The following SIPA1L1 variants were observed in gnomAD, a reference collection of about 807,000 sequenced individuals.
SIPA1L1 encodes signal induced proliferation associated 1 like 1.
SIPA1L1 carries 26 observed loss-of-function variants against 162.7 expected under a neutral mutation model. The observed-to-expected ratio is 0.16, with a 90% CI of 0.12 to 0.22. The LOEUF is 0.22. Ranked by LOEUF, SIPA1L1 falls within the 10% of genes least tolerant of loss-of-function variation. SIPA1L1 has a pLI of 1.00. For synonymous variants in SIPA1L1, 829 were observed against 837.4 expected (o/e 0.99, Z 0.17); for missense variants, 1,874 against 2,241.0 (o/e 0.84, Z 3.31).
chr14:71,689,106 CAAA>C (rs888168633), intron 13 of SIPA1L1, among the ~76,000 whole-genome samples: 2 of 151,542 alleles, frequency 1.3e-5, no homozygotes, highest in Non-Finnish European at 2.9e-5. Context: ...TCATTAGGAA[CAAA>C]AAAAATAAAT....
At chr14:71,729,232 C>T (rs1441694263) in intron 19 of SIPA1L1, among the ~76,000 whole-genome samples, 1 of 152,104 alleles carries the variant, frequency 6.6e-6, no homozygotes. Context: ...GACGGGGTTT[C>T]ACCATGTTGG....
intron 9 of SIPA1L1, 94 bp downstream of exon 9, chr14:71,658,530 A>G: frequency 1.2e-6 from 1 of 803,430 alleles, no homozygotes; most frequent in Non-Finnish European, 2.2e-6. Flanking sequence ...ACCAGAATTT[A>G]GTGTTGCACC....
At chr14:71,455,392 A>G (rs1164795407) in intron 2 of SIPA1L1, among the ~76,000 whole-genome samples, 1 of 152,092 alleles carries the variant, frequency 6.6e-6, no homozygotes, top group African/African-American at 2.4e-5. Context: ...AGAATGGCTT[A>G]TTCCCGCTGT....
intron 2 of SIPA1L1, among the ~76,000 whole-genome samples, chr14:71,457,932 GT>G (rs542147244): frequency 1.4e-3 from 210 of 152,170 alleles, no homozygotes; most frequent in Non-Finnish European, 2.5e-3. Flanking sequence ...TTCCTTATAT[GT>G]CCTAGATTCC....
chr14:71,324,382 C>T (rs1868812533), intron 2 of SIPA1L1, among the ~76,000 whole-genome samples: 1 of 152,156 alleles, frequency 6.6e-6, no homozygotes, highest in Admixed American at 6.5e-5. Flanking sequence ...TAATTGCACT[C>T]GTTTCTTTTC....
At chr14:71,646,829 T>C (rs1157005289) in intron 7 of SIPA1L1, among the ~76,000 whole-genome samples, 2 of 152,204 alleles carry the variant, frequency 1.3e-5, no homozygotes, top group African/African-American at 2.4e-5. Context: ...AACTCTATTT[T>C]GATCATTACC....
intron 10 of SIPA1L1, among the ~76,000 whole-genome samples, chr14:71,664,437 A>G (rs1379570746): frequency 1.3e-5 from 2 of 152,178 alleles, no homozygotes; most frequent in Non-Finnish European, 2.9e-5. Flanking sequence ...GTGGGTACAT[A>G]GTAGGTGTAT....
chr14:71,538,968 C>G (rs966091351), intron 4 of SIPA1L1, among the ~76,000 whole-genome samples: 3 of 152,188 alleles, frequency 2.0e-5, no homozygotes, highest in Non-Finnish European at 2.9e-5. Flanking sequence ...GGGTTGCTTT[C>G]AAATCTGGGA....
At chr14:71,603,856 G>A (rs981323574) in intron 5 of SIPA1L1, among the ~76,000 whole-genome samples, 6 of 149,972 alleles carry the variant, frequency 4.0e-5, no homozygotes, top group Non-Finnish European at 5.9e-5. Context: ...TGGAGGTTGC[G>A]GTGAGCCGAG....
intron 2 of SIPA1L1, among the ~76,000 whole-genome samples, chr14:71,490,877 T>C (rs2049185730): frequency 6.6e-6 from 1 of 152,208 alleles, no homozygotes; most frequent in Admixed American, 6.6e-5. Flanking sequence ...CTACCTGATA[T>C]CGTACATACA....
chr14:71,546,287 T>G (rs1207188233), intron 4 of SIPA1L1, among the ~76,000 whole-genome samples: 1 of 152,088 alleles, frequency 6.6e-6, no homozygotes, highest in Non-Finnish European at 1.5e-5. Flanking sequence ...CAGTTACTTG[T>G]TGCTTTTTCC....
chr14:71,529,832 A>G (rs2053258695), intron 4 of SIPA1L1, among the ~76,000 whole-genome samples: 1 of 152,172 alleles, frequency 6.6e-6, no homozygotes, highest in Admixed American at 6.5e-5. Flanking sequence ...TTTTCTACCC[A>G]GCGTGGCTCC....
chr14:71,651,464 A>T (rs1431465215), intron 8 of SIPA1L1, among the ~76,000 whole-genome samples: 3 of 152,232 alleles, frequency 2.0e-5, no homozygotes, highest in African/African-American at 4.8e-5. Flanking sequence ...TGGAAACGAC[A>T]TGCAAGAGAG....
chr14:71,564,220 A>G lies in SIPA1L1; in HGVS notation c.-302-23351A>G, dbSNP rs1004567191. Among the ~76,000 whole-genome samples, 9 of 152,122 alleles carry G rather than the reference A, an allele frequency of 5.9e-5. No individual in the cohort carries two copies. In the East Asian group the frequency reaches 1.7e-3, roughly 29 times the overall value. ...TGCCTCAGCCTCCCAATGTGCTTAG[A>G]TTACAAGCATGAGCTGCAATATCTG... is the stretch of plus-strand genomic sequence containing the variant. On this transcript the variant is annotated intron_variant, in intron 4 of 23. Coordinates refer to ENST00000381232, the MANE Select transcript of SIPA1L1 (RefSeq NM_001386936.1).
At chr14:71,575,842 T>C (rs1004400241) in intron 4 of SIPA1L1, among the ~76,000 whole-genome samples, 2 of 152,208 alleles carry the variant, frequency 1.3e-5, no homozygotes, top group Non-Finnish European at 2.9e-5. Context: ...AAACCCACTA[T>C]TTTTTATTCA....
chr14:71,567,543 C>G (rs1382162694), intron 4 of SIPA1L1, among the ~76,000 whole-genome samples: 1 of 152,152 alleles, frequency 6.6e-6, no homozygotes, highest in East Asian at 1.9e-4. Flanking sequence ...GCAGCATGGG[C>G]TGCTCAATGG....
chr14:71,330,573 G>A, intron 2 of SIPA1L1: 1 of 1,186,304 alleles, frequency 8.4e-7, no homozygotes, highest in Non-Finnish European at 1.3e-6. Flanking sequence ...TTCCTCCTCA[G>A]ATGTTAAATC....
At chr14:71,524,099 G>A (rs775159305) in intron 3 of SIPA1L1, among the ~76,000 whole-genome samples, 22 of 151,760 alleles carry the variant, frequency 1.4e-4, no homozygotes, top group Middle Eastern at 3.4e-3. Flanking sequence ...ATGAATATAT[G>A]TATGTATACA....
Position 71,738,278 on chromosome 14 carries a change from G to C in SIPA1L1, c.5161G>C (p.Asp1721His). 1 of 1,613,602 alleles carries C rather than the reference G, an allele frequency of 6.2e-7. No homozygotes were observed. The highest frequency in any genetic ancestry group is 8.5e-7 in the Non-Finnish European group (1 of 1,179,788). The change falls in exon 23 of 24, where the codon GAC becomes CAC. Residue 1721 changes from aspartate to histidine, a missense_variant. By Grantham distance (81) the Asp-to-His change is moderately conservative. Around this residue, in one of 5 missense-constraint regions of SIPA1L1, gnomAD observed 936 missense variants for 1,051.9 expected, o/e 0.89. Transcript: ENST00000381232. ...CTCTCCCACTCTGGCTTCTAAAGTG[G>C]ACCAGCTGGAAGGTATGCTGAAGAT... is the stretch of plus-strand genomic sequence containing the variant. ...DSSPTLASKVDQLEGMLKMLR... is the reference protein window; with the variant it reads ...DSSPTLASKVHQLEGMLKMLR...
Sources: allele counts gnomAD v4.1 joint callset (sites outside exome capture counted in the v4.1 genomes callset), GRCh38; gene constraint gnomAD v4.1.1; regional missense constraint gnomAD v4.1.1; transcripts MANE v1.5; gene names NCBI Gene and HGNC (gene_info 2026-07-23, HGNC 2026-07-21).